PRDM5: variants seen among roughly 807,000 people sequenced by gnomAD.
PRDM5 encodes PR/SET domain 5, also known as PR domain zinc finger protein 5.
In PRDM5, 56 loss-of-function variants were observed where a neutral mutation model predicts 81.2. The observed-to-expected ratio is 0.69, with a 90% CI of 0.56 to 0.86. The LOEUF (loss-of-function observed/expected upper bound fraction) is 0.86, where lower values mean the gene tolerates loss of function less well. PRDM5 is among the 40% of genes least tolerant of loss of function. The probability of loss-of-function intolerance (pLI) is 0.00; values close to 1 mark genes in which losing one functional copy is unlikely to be tolerated. For synonymous variants in PRDM5, 267 were observed against 256.4 expected (o/e 1.04, Z -0.39); for missense variants, 697 against 770.1 (o/e 0.91, Z 1.12).
chr4:120,826,877 G>A (rs1304491568), intron 3 of PRDM5, among the ~76,000 whole-genome samples: 1 of 152,054 alleles, frequency 6.6e-6, no homozygotes, highest in Non-Finnish European at 1.5e-5. Flanking sequence ...AGTTTTCCCT[G>A]AAGCATTCAA....
In PRDM5 at chr4:120,755,815, C is replaced by T. The variant is rs181644636; in HGVS notation, c.1538-1177G>A. Among the ~76,000 whole-genome samples, 21 of 152,290 alleles carry T rather than the reference C, an allele frequency of 1.4e-4. No homozygotes were observed. In the East Asian group the frequency reaches 2.9e-3, roughly 21 times the overall value. Reference sequence around the variant, plus strand: ...TCCCCAACTTTGTTTCCAGCAGAGACATCATACGGAAGCACCTGCAGCGGT... The same window carrying T: ...TCCCCAACTTTGTTTCCAGCAGAGATATCATACGGAAGCACCTGCAGCGGT... On this transcript the variant is annotated intron_variant, in intron 13 of 15. Coordinates refer to ENST00000264808, the MANE Select transcript of PRDM5 (RefSeq NM_018699.4).
chr4:120,872,903 A>T (rs1761978664), intron 2 of PRDM5, among the ~76,000 whole-genome samples: 1 of 152,220 alleles, frequency 6.6e-6, no homozygotes, highest in South Asian at 2.1e-4. Flanking sequence ...GATCTGCTTG[A>T]TAACAATGTA....
intron 3 of PRDM5, among the ~76,000 whole-genome samples, chr4:120,824,983 C>A (rs1481178584): frequency 6.6e-6 from 1 of 152,018 alleles, no homozygotes; most frequent in Non-Finnish European, 1.5e-5. Context: ...TTATTTATTA[C>A]TTTTGTAGTA....
chr4:120,906,641 T>C (rs1281008958), intron 2 of PRDM5, among the ~76,000 whole-genome samples: 1 of 152,160 alleles, frequency 6.6e-6, no homozygotes, highest in East Asian at 1.9e-4. Context: ...GGATGAAAAT[T>C]CTCATAACGT....
At chr4:120,703,891 A>C (rs776629810) in intron 15 of PRDM5, among the ~76,000 whole-genome samples, 1 of 151,560 alleles carries the variant, frequency 6.6e-6, no homozygotes. Context: ...AGCTCACCCT[A>C]CTTTTTCCAT....
At chr4:120,823,376 G>C (rs531548239) in intron 3 of PRDM5, among the ~76,000 whole-genome samples, 7 of 152,068 alleles carry the variant, frequency 4.6e-5, no homozygotes, top group Non-Finnish European at 8.8e-5. Flanking sequence ...AGCATTCCAG[G>C]CTCCACAGGA....
intron 13 of PRDM5, among the ~76,000 whole-genome samples, chr4:120,764,452 C>T (rs1397773): frequency 0.046 from 7,051 of 151,934 alleles, 324 homozygotes; most frequent in Middle Eastern, 0.15. Flanking sequence ...AAATTAGGGC[C>T]TCTGATATTT....
At chr4:120,910,868 T>A (rs1316341666) in intron 1 of PRDM5, among the ~76,000 whole-genome samples, 1 of 152,184 alleles carries the variant, frequency 6.6e-6, no homozygotes, top group Non-Finnish European at 1.5e-5. Flanking sequence ...TCTGGCTGAC[T>A]TCCTGATATC....
chr4:120,847,624 A>C (rs1274657890), intron 3 of PRDM5, among the ~76,000 whole-genome samples: 1 of 152,170 alleles, frequency 6.6e-6, no homozygotes, highest in Non-Finnish European at 1.5e-5. Flanking sequence ...AATTGTATAA[A>C]ATCATACTGC....
chr4:120,875,994 A>G (rs1762298767), intron 2 of PRDM5, among the ~76,000 whole-genome samples: 1 of 152,216 alleles, frequency 6.6e-6, no homozygotes, highest in South Asian at 2.1e-4. Flanking sequence ...TGCTATTGAT[A>G]TATTAGGGAA....
At chr4:120,865,989 T>C (rs1180116456) in intron 2 of PRDM5, among the ~76,000 whole-genome samples, 1 of 151,874 alleles carries the variant, frequency 6.6e-6, no homozygotes, top group Non-Finnish European at 1.5e-5. Flanking sequence ...TGAATAACAA[T>C]AGCATTTTTG....
intron 14 of PRDM5, among the ~76,000 whole-genome samples, chr4:120,734,717 T>C (rs1740848119): frequency 6.6e-6 from 1 of 152,190 alleles, no homozygotes; most frequent in African/African-American, 2.4e-5. Context: ...TTCTGGGGCT[T>C]AGCCACTTTT....
chr4:120,708,332 C>T (rs1736489864), intron 15 of PRDM5, among the ~76,000 whole-genome samples: 1 of 152,030 alleles, frequency 6.6e-6, no homozygotes, highest in Non-Finnish European at 1.5e-5. Flanking sequence ...CCTACTGATA[C>T]ATGAGAAAAT....
intron 14 of PRDM5, among the ~76,000 whole-genome samples, chr4:120,724,346 TAGATC>T (rs1739090286): frequency 6.6e-6 from 1 of 151,810 alleles, no homozygotes; most frequent in Non-Finnish European, 1.5e-5. Flanking sequence ...GCGGGTGGAG[TAGATC>T]AAGTTGAGGT....
chr4:120,747,481 G>T (rs1282050036), intron 14 of PRDM5, among the ~76,000 whole-genome samples: 4 of 151,606 alleles, frequency 2.6e-5, no homozygotes, highest in African/African-American at 9.7e-5. Flanking sequence ...ATTTTTGGGG[G>T]GATAATTTTC....
At chr4:120,813,830 C>T (rs962001208) in intron 7 of PRDM5, among the ~76,000 whole-genome samples, 4 of 152,156 alleles carry the variant, frequency 2.6e-5, no homozygotes, top group African/African-American at 7.2e-5. Context: ...ATAGCAACTA[C>T]TCCTTGATAC....
intron 13 of PRDM5, among the ~76,000 whole-genome samples, chr4:120,761,457 C>T (rs1156614070): frequency 1.3e-5 from 2 of 152,050 alleles, no homozygotes; most frequent in Non-Finnish European, 2.9e-5. Flanking sequence ...ATGTATGTTA[C>T]CATATAGATG....
chr4:120,781,007 G>C (rs1748955846), intron 12 of PRDM5, 136 bp downstream of exon 12: 3 of 802,510 alleles, frequency 3.7e-6, no homozygotes, highest in Non-Finnish European at 5.8e-6. Flanking sequence ...CTGAAGAGCT[G>C]ATATAAATCA....
chr4:120,776,236 C>T (rs1192345327), intron 13 of PRDM5, among the ~76,000 whole-genome samples: 1 of 150,894 alleles, frequency 6.6e-6, no homozygotes, highest in East Asian at 1.9e-4. Context: ...ATAACAAATA[C>T]TAAGCTGACC....
Sources: gnomAD v4.1 joint callset for allele counts (sites outside exome capture counted in the v4.1 genomes callset) on GRCh38, gnomAD v4.1.1 for gene constraint, MANE v1.5 for transcripts, NCBI Gene and HGNC (gene_info 2026-07-23, HGNC 2026-07-21) for gene names.